Variants in CCDC196 observed in about 807,000 individuals in gnomAD.
The protein encoded by CCDC196 is coiled-coil domain-containing protein 196.
chr14:66,488,874 T>C, intron 3 of CCDC196, 113 bp from the exon 4 acceptor site: 1 of 410,190 alleles, frequency 2.4e-6, no homozygotes. Flanking sequence ...CCTCTGTGGT[T>C]TACTATGTCC....
chr14:66,490,834 T>G lies in CCDC196; in HGVS notation c.429+15T>G, dbSNP rs1377612526. The G allele has an allele frequency of 2.5e-6, 1 of 400,634 alleles. No homozygotes were observed. The highest frequency in any genetic ancestry group is 1.3e-4 in the South Asian group (1 of 7,848). 24.8% of individuals were successfully genotyped at this position (400,634 alleles called of 1,614,324 possible). A position where few individuals can be genotyped will look rare whatever the true frequency, so the allele number is the denominator to read the frequency against. ...AGGATGGAAAGGCAAGTGGACTGCA[T>G]GTACTTAAAATTTCAAGATTGTCGA... On this transcript the variant is annotated intron_variant, in intron 5 of 9. Transcript: ENST00000636229.
chr14:66,496,906 C>T lies in CCDC196; in HGVS notation c.716-1203C>T, dbSNP rs116904225. ...TACACTTATAAATTCAGATGAAAGC[C>T]CAGCGAAATGGGAAATGAATACTCT... On this transcript the variant is annotated intron_variant, in intron 8 of 9. Coordinates refer to ENST00000636229, the MANE Select transcript of CCDC196 (RefSeq NM_001351576.1). 9.8e-3 allele frequency: 1,488 copies of T among 152,514 alleles called. 13 individuals are homozygous for T. The highest frequency in any genetic ancestry group is 0.014 in the Non-Finnish European group (983 of 68,230). The allele number at this position is 152,514 out of a possible 1,614,324, so 9.4% of individuals were successfully genotyped here. A position where few individuals can be genotyped will look rare whatever the true frequency, so the allele number is the denominator to read the frequency against.
chr14:66,486,422 A>G lies in CCDC196; in HGVS notation c.-81A>G, dbSNP rs1375677812. On this transcript the variant is annotated 5_prime_UTR_variant, in exon 1 of 10. Coordinates refer to ENST00000636229, the MANE Select transcript of CCDC196 (RefSeq NM_001351576.1). The stretch of plus-strand genomic sequence containing the variant: ...GCAGGAGTTTCAAGAACAGCAGCAC[A>G]AAAATAATGACTTAACTGGATAGAA... 1 of 399,002 alleles carries G rather than the reference A, an allele frequency of 2.5e-6. No individual in the cohort carries two copies. Among genetic ancestry groups the G allele is most frequent in the African/African-American group, 2.1e-5 (1 of 48,644 alleles). 24.7% of individuals were successfully genotyped at this position (399,002 alleles called of 1,614,324 possible).
intron 4 of CCDC196, 60 bp downstream of exon 4, chr14:66,489,097 C>A: frequency 2.4e-6 from 1 of 412,988 alleles, no homozygotes; most frequent in Non-Finnish European, 4.4e-6. Flanking sequence ...AAAGAACCTC[C>A]CTTTCCTCTG....
At position 66,491,034 on chromosome 14, in the gene CCDC196, C is replaced by T. The variant is rs2057523262; in HGVS notation, c.443C>T (p.Pro148Leu). 4.8e-6 allele frequency: 2 copies of T among 413,398 alleles called. No homozygotes were observed. The highest frequency in any genetic ancestry group is 2.1e-5 in the African/African-American group (1 of 48,622). The allele number at this position is 413,398 out of a possible 1,614,324, so 25.6% of individuals were successfully genotyped here. ...CTTTCATCCCAGGCTCCCAAATCCC[C>T]CTCATCACCTAGGAAGACTGAGAGT... The part of the protein sequence containing the change: ...DLQDGKAPKS[P>L]SSPRKTESEL... Residue 148 changes from proline (P) to leucine (L), a missense_variant, in exon 6 of 10, where the codon CCC (proline) becomes CTC (leucine). Transcript: ENST00000636229.
chr14:66,491,810 A>G (rs187218877), intron 7 of CCDC196, 125 bp downstream of exon 7: 1 of 412,006 alleles, frequency 2.4e-6, no homozygotes, highest in African/African-American at 2.1e-5. Flanking sequence ...GCTAAAACAA[A>G]TGTATCATAG....
chr14:66,497,596 T>G (rs1353382650), intron 8 of CCDC196, among the ~76,000 whole-genome samples: 5 of 151,928 alleles, frequency 3.3e-5, no homozygotes, highest in Non-Finnish European at 7.4e-5. Context: ...TAACTGGGAG[T>G]CCCATATTTT....
intron 8 of CCDC196, chr14:66,496,572 T>A: frequency 2.9e-6 from 1 of 347,370 alleles, no homozygotes; most frequent in Non-Finnish European, 5.7e-6. Flanking sequence ...TGTAAAATTA[T>A]AATTTGATTC....
chr14:66,496,101 A>T, intron 8 of CCDC196: 1 of 328,668 alleles, frequency 3.0e-6, no homozygotes, highest in Non-Finnish European at 6.1e-6. Flanking sequence ...TATACTTAAC[A>T]GTGTTACAGG....
At chr14:66,493,857 A>C (rs1158116501) in intron 8 of CCDC196, 1 of 152,216 alleles carries the variant, frequency 6.6e-6, no homozygotes, top group Non-Finnish European at 1.5e-5. Flanking sequence ...TAAAAGACAG[A>C]AGAGAAGAGG....
In CCDC196 at chr14:66,498,145, C is replaced by G. The variant is rs1203488101; in HGVS notation, c.752C>G (p.Thr251Ser). Reference protein sequence around the residue: ...MGITTMDRVTTGRNEHHVRIL... With the variant: ...MGITTMDRVTSGRNEHHVRIL... ...ATTACAACTATGGACAGAGTGACTA[C>G]TGGCAGAAATGAACACCATGTGGTG... The change falls in exon 9 of 10, where the codon ACT (threonine) becomes AGT (serine). Residue 251 changes from threonine to serine, a missense_variant. Transcript: ENST00000636229. 2 of 412,076 alleles carry G rather than the reference C, an allele frequency of 4.9e-6. No homozygotes were observed. Among genetic ancestry groups the G allele is most frequent in the Non-Finnish European group, 8.9e-6 (2 of 225,508 alleles). The allele number at this position is 412,076 out of a possible 1,614,324, so 25.5% of individuals were successfully genotyped here. A position where few individuals can be genotyped will look rare whatever the true frequency, so the allele number is the denominator to read the frequency against.
At chr14:66,489,192 T>C (rs2057480617) in intron 4 of CCDC196, among the ~76,000 whole-genome samples, 155 bp downstream of exon 4, 1 of 152,214 alleles carries the variant, frequency 6.6e-6, no homozygotes. Flanking sequence ...AGGTGATCTT[T>C]TTAAAACAAT....
chr14:66,488,681 C>T (rs2057465238), intron 3 of CCDC196, among the ~76,000 whole-genome samples: 1 of 152,004 alleles, frequency 6.6e-6, no homozygotes, highest in Non-Finnish European at 1.5e-5. Flanking sequence ...GTGGTCTAAG[C>T]CCCCAAGAAA....
rs1806296294 is a variant in CCDC196, at chr14:66,488,129, G to A, written c.204-31G>A. ...ATCAGTATTACCCTTAAGGAGGTAT[G>A]TATGTTTTATGATGCCTCTCTTTCT... On this transcript the variant is annotated intron_variant, in intron 2 of 9. Coordinates refer to ENST00000636229, the MANE Select transcript of CCDC196 (RefSeq NM_001351576.1). 7.3e-6 allele frequency: 3 copies of A among 412,588 alleles called. No individual in the cohort carries two copies. In the South Asian group the frequency reaches 3.8e-4, roughly 53 times the overall value. The allele number at this position is 412,588 out of a possible 1,614,324, so 25.6% of individuals were successfully genotyped here.
At chr14:66,492,944 C>T (rs921395154) in intron 8 of CCDC196, 8 of 152,486 alleles carry the variant, frequency 5.2e-5, no homozygotes, top group African/African-American at 1.9e-4. Context: ...AGAGTTTCAG[C>T]GATTTCCCCA....
intron 2 of CCDC196, among the ~76,000 whole-genome samples, chr14:66,487,440 T>C (rs1423429720): frequency 6.6e-6 from 1 of 152,136 alleles, no homozygotes; most frequent in Non-Finnish European, 1.5e-5. Context: ...CACCAGCTGC[T>C]TACAACTCAG....
intron 8 of CCDC196, chr14:66,494,737 G>C (rs1484550997): frequency 6.6e-6 from 1 of 152,092 alleles, no homozygotes; most frequent in Non-Finnish European, 1.5e-5. Context: ...AAGACATACA[G>C]AATTTTGGCC....
intron 8 of CCDC196, chr14:66,494,499 C>G (rs1260148279): frequency 6.6e-6 from 1 of 152,110 alleles, no homozygotes; most frequent in Non-Finnish European, 1.5e-5. Flanking sequence ...TGTGTATCAC[C>G]TGGACTATTA....
At chr14:66,491,948 C>A in intron 7 of CCDC196, 105 bp from the exon 8 acceptor site, 1 of 407,348 alleles carries the variant, frequency 2.5e-6, no homozygotes. Flanking sequence ...AAAGACTGAG[C>A]ATGATGGAAT....
Sources: gnomAD v4.1 joint callset for allele counts (sites outside exome capture counted in the v4.1 genomes callset) on GRCh38, gnomAD v4.1.1 for gene constraint, MANE v1.5 for transcripts, NCBI Gene and HGNC (gene_info 2026-07-23, HGNC 2026-07-21) for gene names.